ADARB2: variants seen among roughly 807,000 people sequenced by gnomAD.
The protein encoded by ADARB2 is adenosine deaminase RNA specific B2 (inactive).
Under a neutral mutation model 62.2 loss-of-function variants are expected in ADARB2, and 25 were observed. The observed-to-expected ratio is 0.40, with a 90% CI of 0.29 to 0.56. The LOEUF (loss-of-function observed/expected upper bound fraction) is 0.56, where lower values mean the gene tolerates loss of function less well. Ranked by LOEUF, ADARB2 falls within the 20% of genes least tolerant of loss-of-function variation. ADARB2 has a pLI of 0.43. For missense variants in ADARB2, 1,071 were observed against 1,077.4 expected (o/e 0.99, Z 0.08); for synonymous variants, 572 against 500.8 (o/e 1.14, Z -1.90).
chr10:1,361,823 A>C (rs1321546044), intron 3 of ADARB2, among the ~76,000 whole-genome samples: 2 of 152,260 alleles, frequency 1.3e-5, no homozygotes, highest in Non-Finnish European at 2.9e-5. Flanking sequence ...TAGCGATCAC[A>C]GCCATAACTT....
intron 4 of ADARB2, among the ~76,000 whole-genome samples, chr10:1,269,152 A>G (rs1831235536): frequency 6.7e-6 from 1 of 149,378 alleles, no homozygotes; most frequent in African/African-American, 2.5e-5. Flanking sequence ...TTTTCATACC[A>G]AGACACTAAT....
At chr10:1,663,977 C>T (rs757422219) in intron 1 of ADARB2, among the ~76,000 whole-genome samples, 1 of 152,212 alleles carries the variant, frequency 6.6e-6, no homozygotes, top group African/African-American at 2.4e-5. Flanking sequence ...ACTGTTTATC[C>T]ATTCACCCAC....
At position 1,662,165 on chromosome 10, in the gene ADARB2, G is replaced by C. The variant is rs537686998; in HGVS notation, c.100+74886C>G. Reference sequence around the variant, plus strand: ...GGATGTCCCAGACTATTCTTGGAAGGGTTATTGGCCCAATCCAATAACCCT... The same window carrying C: ...GGATGTCCCAGACTATTCTTGGAAGCGTTATTGGCCCAATCCAATAACCCT... On this transcript the variant is annotated intron_variant, in intron 1 of 9. Coordinates refer to ENST00000381312, the MANE Select transcript of ADARB2 (RefSeq NM_018702.4). Among the ~76,000 whole-genome samples the C allele has an allele frequency of 5.3e-5, 8 of 152,262 alleles. No homozygotes were observed. In the Middle Eastern group the frequency reaches 0.014, roughly 259 times the overall value.
intron 3 of ADARB2, among the ~76,000 whole-genome samples, chr10:1,301,320 G>T (rs1831570473): frequency 8.4e-6 from 1 of 118,864 alleles, no homozygotes; most frequent in African/African-American, 2.6e-5. Context: ...AAAATTAAGT[G>T]GCCAAGCAAA....
chr10:1,694,794 G>A (rs1265702442), intron 1 of ADARB2, among the ~76,000 whole-genome samples: 1 of 152,318 alleles, frequency 6.6e-6, no homozygotes, highest in Non-Finnish European at 1.5e-5. Flanking sequence ...AGCCGAGGGA[G>A]GGAGGGTTAT....
At chr10:1,377,368 GGT>G (rs1173948141) in intron 2 of ADARB2, among the ~76,000 whole-genome samples, 1 of 143,308 alleles carries the variant, frequency 7.0e-6, no homozygotes, top group African/African-American at 2.6e-5. Flanking sequence ...GTGCTCCTGG[GGT>G]GTGTGTGCAC....
At chr10:1,632,387 T>G (rs1055452560) in intron 1 of ADARB2, among the ~76,000 whole-genome samples, 5 of 152,128 alleles carry the variant, frequency 3.3e-5, no homozygotes, top group Non-Finnish European at 5.9e-5. Context: ...AACACAAGCA[T>G]GCACAATATG....
chr10:1,470,865 C>A (rs1021731969), intron 1 of ADARB2, among the ~76,000 whole-genome samples: 1 of 152,306 alleles, frequency 6.6e-6, no homozygotes, highest in Middle Eastern at 3.4e-3. Flanking sequence ...TCGAGACCAT[C>A]CTGGCTAACA....
At chr10:1,354,627 G>T (rs572387557) in intron 3 of ADARB2, among the ~76,000 whole-genome samples, 1 of 152,318 alleles carries the variant, frequency 6.6e-6, no homozygotes, top group East Asian at 1.9e-4. Context: ...TCAGGGGAGA[G>T]GGATCGGGGA....
In ADARB2 at chr10:1,219,824, AATG is replaced by A. The variant is rs559040736; in HGVS notation, c.1514-2708_1514-2706del. On this transcript the variant is annotated intron_variant, in intron 6 of 9. Coordinates refer to ENST00000381312, the MANE Select transcript of ADARB2 (RefSeq NM_018702.4). Reference sequence around the variant, plus strand: ...TGGCAATGGTGATGATGGTGATGGTAATGATGGTGGTGATGATGATGGTGATGG... The same window carrying A: ...TGGCAATGGTGATGATGGTGATGGTAATGGTGGTGATGATGATGGTGATGG... 2.7e-3 allele frequency among the ~76,000 whole-genome samples: 372 copies of A among 136,110 alleles called. 1 individual carries two copies. Among genetic ancestry groups the A allele is most frequent in the African/African-American group, 9.8e-3 (349 of 35,670 alleles). 89.3% of individuals were successfully genotyped at this position (136,110 alleles called of 152,430 possible). A position where few individuals can be genotyped will look rare whatever the true frequency, so the allele number is the denominator to read the frequency against.
At chr10:1,292,446 T>C (rs1831475039) in intron 3 of ADARB2, 1 of 152,248 alleles carries the variant, frequency 6.6e-6, no homozygotes, top group South Asian at 2.1e-4. Flanking sequence ...CCTTCTCTAC[T>C]GAGTGATTTT....
intron 1 of ADARB2, among the ~76,000 whole-genome samples, chr10:1,448,224 G>A (rs77335989): frequency 0.01 from 1,541 of 152,300 alleles, 22 homozygotes; most frequent in African/African-American, 0.035. Context: ...TATCTATGAA[G>A]AGGCGAGGGG....
At chr10:1,556,565 G>A (rs1412154996) in intron 1 of ADARB2, 1 of 417,930 alleles carries the variant, frequency 2.4e-6, no homozygotes. Flanking sequence ...CGACTCCATG[G>A]TCTGGGGAGG....
intron 3 of ADARB2, among the ~76,000 whole-genome samples, chr10:1,284,813 C>G (rs1290578972): frequency 6.6e-6 from 1 of 152,178 alleles, no homozygotes; most frequent in Non-Finnish European, 1.5e-5. Context: ...ATATAGAACT[C>G]AGCACATCTG....
At chr10:1,488,744 C>G (rs943142208) in intron 1 of ADARB2, among the ~76,000 whole-genome samples, 1 of 152,214 alleles carries the variant, frequency 6.6e-6, no homozygotes, top group Admixed American at 6.5e-5. Flanking sequence ...TCTGGGCCTG[C>G]GCGAGTCTGA....
At chr10:1,277,109 G>T (rs1037131168) in intron 3 of ADARB2, among the ~76,000 whole-genome samples, 1 of 152,204 alleles carries the variant, frequency 6.6e-6, no homozygotes, top group Non-Finnish European at 1.5e-5. Flanking sequence ...TCAAAGCAGT[G>T]TGTAGAGGGA....
At chr10:1,315,624 A>G (rs1459616447) in intron 3 of ADARB2, among the ~76,000 whole-genome samples, 6 of 152,188 alleles carry the variant, frequency 3.9e-5, no homozygotes, top group Non-Finnish European at 8.8e-5. Flanking sequence ...TGCTCCCACA[A>G]TGGGCCCTAC....
intron 1 of ADARB2, among the ~76,000 whole-genome samples, chr10:1,498,373 C>T (rs1831717724): frequency 9.7e-6 from 1 of 103,166 alleles, no homozygotes; most frequent in Admixed American, 1.1e-4. Flanking sequence ...GAAACTCTGT[C>T]TCAAATAAAT....
intron 1 of ADARB2, among the ~76,000 whole-genome samples, chr10:1,579,693 T>C (rs1381628919): frequency 6.6e-6 from 1 of 152,246 alleles, no homozygotes; most frequent in Non-Finnish European, 1.5e-5. Context: ...TATGCTAGTT[T>C]ATCATGTGAG....
Sources: gnomAD v4.1 joint callset for allele counts (sites outside exome capture counted in the v4.1 genomes callset) on GRCh38, gnomAD v4.1.1 for gene constraint, MANE v1.5 for transcripts, NCBI Gene and HGNC (gene_info 2026-07-23, HGNC 2026-07-21) for gene names.